BAZ1B: variants seen among roughly 807,000 people sequenced by gnomAD.
BAZ1B encodes tyrosine-protein kinase BAZ1B.
In BAZ1B, 22 loss-of-function variants were observed where a neutral mutation model predicts 153.8. The ratio of observed to expected loss-of-function variants is 0.14; its 90% confidence interval spans 0.10 to 0.20. BAZ1B has a LOEUF of 0.20. Ranked by LOEUF, BAZ1B falls within the 10% of genes least tolerant of loss-of-function variation. The pLI is 1.00. For synonymous variants in BAZ1B, 676 were observed against 633.4 expected, an observed-to-expected ratio of 1.07 and a Z score of -1.01; for missense variants, 1,325 against 1,799.3, an observed-to-expected ratio of 0.74 and a Z score of 4.77.
intron 6 of BAZ1B, among the ~76,000 whole-genome samples, chr7:73,488,145 G>A (rs531587345): frequency 1.3e-4 from 20 of 152,230 alleles, no homozygotes; most frequent in Middle Eastern, 6.8e-3. Flanking sequence ...CTGGTTCTAC[G>A]CTGGCCCAGA....
At chr7:73,453,302 T>A (rs572125317) in intron 13 of BAZ1B, among the ~76,000 whole-genome samples, 1 of 152,380 alleles carries the variant, frequency 6.6e-6, no homozygotes, top group Admixed American at 6.5e-5. Flanking sequence ...GCTTTCCATT[T>A]ATGTACTGTG....
At chr7:73,455,505 G>A (rs1284969885) in intron 13 of BAZ1B, among the ~76,000 whole-genome samples, 2 of 152,046 alleles carry the variant, frequency 1.3e-5, no homozygotes, top group African/African-American at 4.8e-5. Flanking sequence ...AATGTGGCTG[G>A]GCGAGGTGGC....
intron 16 of BAZ1B, among the ~76,000 whole-genome samples, chr7:73,446,570 A>C (rs1787844309): frequency 6.6e-6 from 1 of 150,688 alleles, no homozygotes; most frequent in African/African-American, 2.5e-5. Context: ...AAAAAAAAAA[A>C]GTGTATTTTG....
intron 19 of BAZ1B, 30 bp downstream of exon 19, chr7:73,442,151 C>CCTGGTT: frequency 1.1e-6 from 1 of 942,550 alleles, no homozygotes. Flanking sequence ...CCCACCCTCC[C>CCTGGTT]TAGCTGTCCC....
At chr7:73,462,559 T>C (rs1788431806) in intron 12 of BAZ1B, 1 of 263,744 alleles carries the variant, frequency 3.8e-6, no homozygotes, top group Non-Finnish European at 7.3e-6. Context: ...GTGTGAAGAA[T>C]GGGCAAGTGC....
intron 2 of BAZ1B, among the ~76,000 whole-genome samples, chr7:73,509,272 A>C (rs1790478172): frequency 6.6e-6 from 1 of 152,162 alleles, no homozygotes; most frequent in African/African-American, 2.4e-5. Context: ...CAGTGAGCCA[A>C]GATCACACCA....
intron 9 of BAZ1B, 122 bp downstream of exon 9, chr7:73,469,395 T>C: frequency 4.8e-6 from 6 of 1,253,760 alleles, no homozygotes; most frequent in Non-Finnish European, 6.6e-6. Context: ...TTCACTCAAA[T>C]AGATCTAAGA....
chr7:73,507,016 C>T (rs1160293192), intron 3 of BAZ1B, among the ~76,000 whole-genome samples: 1 of 147,994 alleles, frequency 6.8e-6, no homozygotes, highest in Non-Finnish European at 1.5e-5. Context: ...GTAGCTGGGA[C>T]TACAGGCGCC....
chr7:73,442,908 G>A, intron 17 of BAZ1B, 80 bp from the exon 18 acceptor site: 2 of 1,046,708 alleles, frequency 1.9e-6, no homozygotes, highest in Non-Finnish European at 2.9e-6. Context: ...AAGTGTATCT[G>A]CTCAAAAAAG....
At chr7:73,487,519 A>G (rs566514374) in intron 6 of BAZ1B, among the ~76,000 whole-genome samples, 3 of 152,352 alleles carry the variant, frequency 2.0e-5, no homozygotes, top group Admixed American at 6.5e-5. Flanking sequence ...CATTATTCAC[A>G]TACTTGAATC....
Position 73,466,410 on chromosome 7 carries a change from A to C in BAZ1B, c.2867-9T>G, listed in dbSNP as rs1788587223. On this transcript the variant is annotated splice_polypyrimidine_tract_variant and intron_variant, in intron 9 of 19. Coordinates refer to ENST00000339594, the MANE Select transcript of BAZ1B (RefSeq NM_032408.4). ...TAAGTTTGCTTTCTTACCTAAGAAA[A>C]ATTGAGACATTAGGTTGACTTTAGT... is the stretch of plus-strand genomic sequence containing the variant. 1 of 1,592,884 alleles carries C rather than the reference A, an allele frequency of 6.3e-7. No homozygotes were observed. Among genetic ancestry groups the C allele is most frequent in the Non-Finnish European group, 8.6e-7 (1 of 1,160,712 alleles).
At chr7:73,470,316 G>T (rs1554571809) in intron 8 of BAZ1B, 29 bp downstream of exon 8, 2 of 1,588,894 alleles carry the variant, frequency 1.3e-6, no homozygotes, top group Admixed American at 3.6e-5. Context: ...TAGTCCTAAA[G>T]AAAACAAAAA....
Position 73,468,841 on chromosome 7 carries a change from G to A in BAZ1B, c.2866+676C>T, listed in dbSNP as rs114070610. Among the ~76,000 whole-genome samples, 1,036 of 152,208 alleles carry A rather than the reference G, an allele frequency of 6.8e-3. 9 individuals carry two copies. Among genetic ancestry groups the A allele is most frequent in the African/African-American group, 0.022 (909 of 41,544 alleles). ...GAATAAATTAATTTTAAAAGTAGAA[G>A]AAGAGGGTCAGGTGCAGTGGCTCAC... On this transcript the variant is annotated intron_variant, in intron 9 of 19. Coordinates refer to ENST00000339594, the MANE Select transcript of BAZ1B (RefSeq NM_032408.4).
chr7:73,449,515 A>G, intron 15 of BAZ1B, 27 bp downstream of exon 15: 2 of 1,595,586 alleles, frequency 1.3e-6, no homozygotes, highest in South Asian at 1.1e-5. Context: ...TATTCATTCA[A>G]TTATTTTTAA....
intron 13 of BAZ1B, among the ~76,000 whole-genome samples, chr7:73,452,303 A>G (rs890160303): frequency 3.9e-5 from 6 of 152,204 alleles, no homozygotes; most frequent in African/African-American, 1.4e-4. Context: ...CTCATTGAAT[A>G]GACATTGCAC....
intron 1 of BAZ1B, among the ~76,000 whole-genome samples, chr7:73,511,480 A>G (rs1790577258): frequency 6.6e-6 from 1 of 152,046 alleles, no homozygotes; most frequent in African/African-American, 2.4e-5. Flanking sequence ...CCTGGGCAAC[A>G]TGATGAGACC....
intron 5 of BAZ1B, 69 bp from the exon 6 acceptor site, chr7:73,489,460 T>C (rs1264013840): frequency 2.0e-6 from 3 of 1,518,442 alleles, no homozygotes; most frequent in Middle Eastern, 1.7e-4. Flanking sequence ...GAACAAGCAA[T>C]ATACGTTCTC....
intron 7 of BAZ1B, among the ~76,000 whole-genome samples, chr7:73,476,156 G>T (rs1008573289): frequency 6.6e-6 from 1 of 152,136 alleles, no homozygotes; most frequent in Admixed American, 6.5e-5. Flanking sequence ...GGGCTGGGGA[G>T]GATGGGCGAA....
At chr7:73,479,503 C>T (rs1393923206) in intron 6 of BAZ1B, among the ~76,000 whole-genome samples, 5 of 143,628 alleles carry the variant, frequency 3.5e-5, no homozygotes, top group African/African-American at 1.1e-4. Flanking sequence ...GCAAGACCCC[C>T]GTCTCAAAAA....
Sources: allele counts gnomAD v4.1 joint callset (sites outside exome capture counted in the v4.1 genomes callset), GRCh38; gene constraint gnomAD v4.1.1; transcripts MANE v1.5; gene names NCBI Gene and HGNC (gene_info 2026-07-23, HGNC 2026-07-21).